The following SYTL5 variants were observed in gnomAD, a reference collection of about 807,000 sequenced individuals.
SYTL5 encodes the protein synaptotagmin like 5, also known as synaptotagmin-like protein 5.
SYTL5 carries 34 observed loss-of-function variants against 55.9 expected under a neutral mutation model. The ratio of observed to expected loss-of-function variants is 0.61; its 90% CI spans 0.46 to 0.81. The LOEUF is 0.81. Ranked by LOEUF, SYTL5 falls within the 30% of genes least tolerant of loss-of-function variation. SYTL5 has a pLI of 0.00. For synonymous variants in SYTL5, 221 were observed against 188.7 expected (o/e 1.17, Z -1.40); for missense variants, 637 against 546.7 (o/e 1.17, Z -1.65).
At chrX:38,080,693 C>T (rs952439947) in intron 6 of SYTL5, among the ~76,000 whole-genome samples, 1 of 112,126 alleles carries the variant, frequency 8.9e-6, no homozygotes, top group Non-Finnish European at 1.9e-5. Context: ...ATCATCCATT[C>T]CTCATATCTA....
intron 3 of SYTL5, among the ~76,000 whole-genome samples, chrX:38,067,402 A>G (rs1205829503): frequency 9.1e-6 from 1 of 110,409 alleles, no homozygotes; most frequent in African/African-American, 3.3e-5. Context: ...AAAAAGATCT[A>G]AGGCCTTGGC....
chrX:37,988,422 C>A, the SYTL5 span, among the ~76,000 whole-genome samples: 108 of 112,311 alleles, frequency 9.6e-4, no homozygotes, highest in Middle Eastern at 9.2e-3. Flanking sequence ...AAATTTATGG[C>A]AATTCATTAG....
intron 1 of SYTL5, among the ~76,000 whole-genome samples, chrX:38,031,648 AT>A (rs1478877127): frequency 8.9e-6 from 1 of 112,541 alleles, no homozygotes; most frequent in African/African-American, 3.2e-5. Context: ...TAATGATAAC[AT>A]AGTCATTCAC....
At chrX:38,042,771 CA>C (rs1447071074) in intron 2 of SYTL5, among the ~76,000 whole-genome samples, 1 of 111,814 alleles carries the variant, frequency 8.9e-6, no homozygotes, top group Non-Finnish European at 1.9e-5. Flanking sequence ...AAAGAAGACC[CA>C]TCCCCTCAAA....
At chrX:38,032,646 T>TTA (rs1327259276) in intron 1 of SYTL5, among the ~76,000 whole-genome samples, 1 of 111,412 alleles carries the variant, frequency 9.0e-6, no homozygotes. Flanking sequence ...CATTTCTAAA[T>TTA]TATATATATA....
At chrX:38,073,833 T>C in intron 5 of SYTL5, 135 bp downstream of exon 5, 1 of 407,304 alleles carries the variant, frequency 2.5e-6, no homozygotes, top group Non-Finnish European at 4.3e-6. Context: ...AAGTAACACT[T>C]TCTTATCATT....
chrX:37,911,061 G>A, the SYTL5 span, among the ~76,000 whole-genome samples: 1 of 104,405 alleles, frequency 9.6e-6, no homozygotes, highest in Non-Finnish European at 1.9e-5. Flanking sequence ...TGCCTCCCAG[G>A]TTCAAGTGAT....
chrX:38,016,475 T>C (rs953847571), intron 1 of SYTL5, among the ~76,000 whole-genome samples: 3 of 111,865 alleles, frequency 2.7e-5, no homozygotes, highest in African/African-American at 9.8e-5. Flanking sequence ...TATTTATGTA[T>C]AACTCCTCCT....
the SYTL5 span, among the ~76,000 whole-genome samples, chrX:38,000,172 G>A: frequency 9.0e-6 from 1 of 111,497 alleles, no homozygotes; most frequent in Admixed American, 9.5e-5. Context: ...TTATAATGCA[G>A]GTCCTTAGAC....
At chrX:37,929,506 A>G in the SYTL5 span, among the ~76,000 whole-genome samples, 2 of 112,342 alleles carry the variant, frequency 1.8e-5, no homozygotes, top group Admixed American at 9.5e-5. Flanking sequence ...TTGCTTTGGT[A>G]AAAGATGGGC....
the SYTL5 span, among the ~76,000 whole-genome samples, chrX:37,905,236 CA>C: frequency 9.0e-6 from 1 of 110,751 alleles, no homozygotes; most frequent in Admixed American, 9.5e-5. Flanking sequence ...TTCCAAGACC[CA>C]GGGGGGATAT....
chrX:37,927,338 T>C, the SYTL5 span, among the ~76,000 whole-genome samples: 1 of 111,713 alleles, frequency 9.0e-6, no homozygotes, highest in African/African-American at 3.3e-5. Context: ...AAGAGTTTAA[T>C]GTAAGATTAC....
chrX:37,972,638 G>A, the SYTL5 span, among the ~76,000 whole-genome samples: 2 of 111,655 alleles, frequency 1.8e-5, no homozygotes, highest in Non-Finnish European at 3.8e-5. Flanking sequence ...GAGTGACCAT[G>A]GCCCGTGACA....
chrX:38,006,477 T>C (rs1202659525), upstream of SYTL5: 1 of 111,819 alleles, frequency 8.9e-6, no homozygotes, highest in Admixed American at 9.5e-5. Flanking sequence ...GAAATAGCTG[T>C]CTGCAACAGA....
the SYTL5 span, among the ~76,000 whole-genome samples, chrX:37,980,548 G>A: frequency 0.19 from 21,371 of 111,388 alleles, 3,380 homozygotes; most frequent in African/African-American, 0.53. Context: ...AAAATTGGTG[G>A]GAATAGCAAA....
chrX:38,066,474 GC>G (rs1359119500), intron 3 of SYTL5, among the ~76,000 whole-genome samples: 48 of 111,584 alleles, frequency 4.3e-4, no homozygotes, highest in African/African-American at 1.2e-3. Context: ...TTTTAATCAG[GC>G]CCATTCTTCA....
chrX:37,991,239 G>C, the SYTL5 span: 1 of 1,163,917 alleles, frequency 8.6e-7, no homozygotes, highest in East Asian at 3.0e-5. Flanking sequence ...GGCTTAGCCA[G>C]GGCAAAAATG....
rs1025788396 is a variant in SYTL5, at chrX:38,115,438, C to T, written c.1597-4920C>T. ...GGCGGAGCTTGCAGTGAGCCGAGAT[C>T]GCGCCACTGCACTCCAGCCTGGGCG... On this transcript the variant is annotated intron_variant, in intron 13 of 16. Transcript: ENST00000297875. Among the ~76,000 whole-genome samples, 203 of 85,534 alleles carry T rather than the reference C, an allele frequency of 2.4e-3. 10 individuals carry two copies. Among genetic ancestry groups the T allele is most frequent in the African/African-American group, 9.5e-3 (195 of 20,543 alleles). 74.3% of individuals were successfully genotyped at this position (85,534 alleles called of 115,157 possible).
chrX:38,041,704 C>T (rs963016723), intron 2 of SYTL5, among the ~76,000 whole-genome samples: 2 of 111,993 alleles, frequency 1.8e-5, no homozygotes, highest in African/African-American at 3.2e-5. Context: ...CATTTTTCTC[C>T]GAGGAAGCGT....
Sources: gnomAD v4.1 joint callset for allele counts (sites outside exome capture counted in the v4.1 genomes callset) on GRCh38, gnomAD v4.1.1 for gene constraint, MANE v1.5 for transcripts, NCBI Gene and HGNC (gene_info 2026-07-23, HGNC 2026-07-21) for gene names.